TMTC2: variants seen among roughly 807,000 people sequenced by gnomAD.
The protein encoded by TMTC2 is transmembrane O-mannosyltransferase targeting cadherins 2.
A neutral mutation model predicts 82.4 loss-of-function variants in TMTC2; 43 were observed. That is an observed-to-expected ratio of 0.52 (90% CI 0.41 to 0.67). The LOEUF (loss-of-function observed/expected upper bound fraction) is 0.67. Ranked by LOEUF, TMTC2 falls within the 30% of genes least tolerant of loss-of-function variation. The probability of loss-of-function intolerance (pLI) is 0.00; values close to 1 mark genes in which losing one functional copy is unlikely to be tolerated. For missense variants in TMTC2, 919 were observed against 1,012.4 expected, an observed-to-expected ratio of 0.91 and a Z score of 1.25; for synonymous variants, 408 against 381.9, an observed-to-expected ratio of 1.07 and a Z score of -0.80.
intron 2 of TMTC2, among the ~76,000 whole-genome samples, chr12:82,881,994 ATTTT>A (rs869127384): frequency 9.3e-6 from 1 of 107,272 alleles, no homozygotes; most frequent in Admixed American, 1.0e-4. Context: ...TGTTGTTAAG[ATTTT>A]TTTTTTTTTT....
chr12:82,970,199 T>A (rs1324261354), intron 7 of TMTC2, among the ~76,000 whole-genome samples: 4 of 152,226 alleles, frequency 2.6e-5, no homozygotes, highest in African/African-American at 9.6e-5. Context: ...TTCCCTTTTA[T>A]AAGATTTTGG....
chr12:83,033,261 A>G (rs1881514731), intron 9 of TMTC2, among the ~76,000 whole-genome samples: 2 of 152,192 alleles, frequency 1.3e-5, no homozygotes, highest in Non-Finnish European at 2.9e-5. Flanking sequence ...GAGAATCTTA[A>G]TGATTTTCTT....
chr12:82,757,035 G>T (rs563427160), intron 1 of TMTC2, among the ~76,000 whole-genome samples: 5 of 152,102 alleles, frequency 3.3e-5, no homozygotes, highest in Non-Finnish European at 7.4e-5. Context: ...GACAACACGT[G>T]AAAAACCCCT....
chr12:83,050,858 C>A (rs1882318985), intron 9 of TMTC2, 46 bp from the exon 10 acceptor site: 2 of 1,348,942 alleles, frequency 1.5e-6, no homozygotes, highest in Non-Finnish European at 1.0e-6. Context: ...TTTATTGTTT[C>A]ATGGGATTTT....
chr12:82,971,528 G>A (rs1481288791), intron 7 of TMTC2, among the ~76,000 whole-genome samples: 3 of 151,856 alleles, frequency 2.0e-5, no homozygotes, highest in Non-Finnish European at 4.4e-5. Context: ...GGGATTATAG[G>A]AAACTAAATT....
chr12:83,072,664 A>G (rs188268584), intron 11 of TMTC2, among the ~76,000 whole-genome samples: 68 of 152,232 alleles, frequency 4.5e-4, no homozygotes, highest in South Asian at 8.3e-4. Context: ...TAATTGTTTT[A>G]TAAATTTGGG....
chr12:82,972,766 G>GGTCT (rs1878505426), intron 7 of TMTC2, among the ~76,000 whole-genome samples: 1 of 152,068 alleles, frequency 6.6e-6, no homozygotes, highest in Non-Finnish European at 1.5e-5. Flanking sequence ...TTCTACTTTA[G>GGTCT]GTCTGTACAT....
chr12:82,692,649 C>A (rs1159534494), intron 1 of TMTC2, among the ~76,000 whole-genome samples: 2 of 152,166 alleles, frequency 1.3e-5, no homozygotes, highest in Non-Finnish European at 2.9e-5. Context: ...CATCTGTTAA[C>A]CTTTCTGGTT....
At chr12:82,757,761 A>G (rs893915096) in intron 1 of TMTC2, among the ~76,000 whole-genome samples, 1 of 152,208 alleles carries the variant, frequency 6.6e-6, no homozygotes, top group Non-Finnish European at 1.5e-5. Flanking sequence ...GCATTGCAAA[A>G]TGCACAGTCA....
Position 82,876,071 on chromosome 12 carries a change from GATGA to G in TMTC2, c.654+18492_654+18495del, listed in dbSNP as rs1565788803. Among the ~76,000 whole-genome samples, 401 of 119,076 alleles carry G rather than the reference GATGA, an allele frequency of 3.4e-3. 29 individuals carry two copies. Among genetic ancestry groups the G allele is most frequent in the African/African-American group, 0.012 (287 of 24,802 alleles). The allele number at this position is 119,076 out of a possible 152,430, so 78.1% of individuals were successfully genotyped here. The stretch of plus-strand genomic sequence containing the variant: ...TGGTGGTGGTGGTGGTGGTGGTGAT[GATGA>G]TGATGGTGATTAGTATTCATAATGG... On this transcript the variant is annotated intron_variant, in intron 2 of 11. Transcript: ENST00000321196.
chr12:82,882,188 A>G (rs1273225773), intron 2 of TMTC2, among the ~76,000 whole-genome samples: 4 of 150,686 alleles, frequency 2.7e-5, no homozygotes, highest in African/African-American at 9.9e-5. Context: ...TTTAGTAGAG[A>G]CGGGGTTTCA....
chr12:82,839,926 A>G (rs748244087), intron 1 of TMTC2, among the ~76,000 whole-genome samples: 1 of 152,176 alleles, frequency 6.6e-6, no homozygotes, highest in Non-Finnish European at 1.5e-5. Flanking sequence ...TAGATTGGCT[A>G]TTGGGCTTAA....
intron 1 of TMTC2, among the ~76,000 whole-genome samples, chr12:82,819,748 C>T (rs1868975523): frequency 6.6e-6 from 1 of 152,052 alleles, no homozygotes; most frequent in African/African-American, 2.4e-5. Context: ...GTTGATTCAC[C>T]TGCCTCGGCT....
intron 2 of TMTC2, among the ~76,000 whole-genome samples, chr12:82,864,780 C>A: frequency 6.6e-6 from 1 of 151,296 alleles, no homozygotes; most frequent in East Asian, 2.0e-4. Context: ...GGATTACAGG[C>A]GTGAGCCACC....
chr12:82,957,708 C>A (rs1473859569), intron 4 of TMTC2, among the ~76,000 whole-genome samples: 9 of 151,740 alleles, frequency 5.9e-5, no homozygotes, highest in African/African-American at 2.2e-4. Context: ...ATAAAAGATC[C>A]TCAGAGACTA....
intron 3 of TMTC2, among the ~76,000 whole-genome samples, chr12:82,899,574 AAT>A (rs529528999): frequency 7.9e-6 from 1 of 126,196 alleles, no homozygotes. Flanking sequence ...ATATATGTGG[AAT>A]ATATATATAT....
chr12:82,810,208 C>CT (rs567875027), intron 1 of TMTC2, among the ~76,000 whole-genome samples: 45 of 145,556 alleles, frequency 3.1e-4, no homozygotes, highest in Admixed American at 3.4e-4. Context: ...AAAAAGTGGA[C>CT]TTTTTTTTTT....
At chr12:83,115,599 A>C (rs1047227880) in intron 11 of TMTC2, among the ~76,000 whole-genome samples, 1 of 152,126 alleles carries the variant, frequency 6.6e-6, no homozygotes, top group Non-Finnish European at 1.5e-5. Context: ...TATTATAAAA[A>C]CTGAGTGAAA....
At chr12:83,017,609 T>TAA (rs1433102573) in intron 8 of TMTC2, among the ~76,000 whole-genome samples, 1 of 152,214 alleles carries the variant, frequency 6.6e-6, no homozygotes, top group Non-Finnish European at 1.5e-5. Context: ...CCAGTCTTAG[T>TAA]GTCCGCTGAG....
Sources: gnomAD v4.1 joint callset for allele counts (sites outside exome capture counted in the v4.1 genomes callset) on GRCh38, gnomAD v4.1.1 for gene constraint, MANE v1.5 for transcripts, NCBI Gene and HGNC (gene_info 2026-07-23, HGNC 2026-07-21) for gene names.